Variants in MEF2A observed in about 807,000 individuals in gnomAD.
MEF2A encodes the protein myocyte enhancer factor 2A, also known as myocyte-specific enhancer factor 2A.
A neutral mutation model predicts 55.8 loss-of-function variants in MEF2A; 28 were observed. The observed-to-expected ratio is 0.50, with a 90% CI of 0.37 to 0.69. The LOEUF is 0.69. MEF2A is among the 30% of genes least tolerant of loss of function. The pLI is 0.00. For missense variants in MEF2A, 528 were observed against 626.2 expected (o/e 0.84, Z 1.67); for synonymous variants, 239 against 227.1 (o/e 1.05, Z -0.47).
intron 3 of MEF2A, among the ~76,000 whole-genome samples, chr15:99,639,069 A>G (rs769868818): frequency 6.6e-6 from 1 of 152,208 alleles, no homozygotes; most frequent in African/African-American, 2.4e-5. Context: ...GTTTAAAAAT[A>G]AAAGTTTTTT....
chr15:99,675,707 T>G (rs1317296135), intron 7 of MEF2A, among the ~76,000 whole-genome samples: 3 of 152,104 alleles, frequency 2.0e-5, no homozygotes, highest in Admixed American at 6.5e-5. Context: ...AAAGAAATGG[T>G]GGGTCTATCT....
intron 1 of MEF2A, among the ~76,000 whole-genome samples, chr15:99,567,627 CTGTGTGTGTGTGTGTG>C (rs370539645): frequency 5.4e-4 from 77 of 143,870 alleles, no homozygotes; most frequent in East Asian, 1.8e-3. Context: ...TTTGTATGTA[CTGTGTGTGTGTGTGTG>C]TGTGTGTGTG....
At chr15:99,690,180 G>A (rs2055095638) in intron 7 of MEF2A, 61 bp from the exon 8 acceptor site, 13 of 1,513,014 alleles carry the variant, frequency 8.6e-6, no homozygotes, top group Non-Finnish European at 1.2e-5. Flanking sequence ...AACTTGATTT[G>A]TTTGTGCCAA....
At chr15:99,632,529 T>C (rs1377977406) in intron 2 of MEF2A, among the ~76,000 whole-genome samples, 2 of 152,176 alleles carry the variant, frequency 1.3e-5, no homozygotes, top group Non-Finnish European at 2.9e-5. Context: ...CCTGAGTTTA[T>C]AACCCCAAGC....
intron 4 of MEF2A, among the ~76,000 whole-genome samples, chr15:99,652,625 G>A (rs536747507): frequency 7.9e-5 from 12 of 152,304 alleles, no homozygotes; most frequent in African/African-American, 2.9e-4. Flanking sequence ...GCTAAGACCT[G>A]AGAAGTAAAC....
intron 8 of MEF2A, among the ~76,000 whole-genome samples, chr15:99,696,101 C>G (rs1202922716): frequency 6.6e-6 from 1 of 152,124 alleles, no homozygotes; most frequent in East Asian, 1.9e-4. Flanking sequence ...CAGCAACCTT[C>G]AAAATACATA....
chr15:99,566,129 C>G (rs1479985278), intron 1 of MEF2A, 25 bp downstream of exon 1: 1 of 150,140 alleles, frequency 6.7e-6, no homozygotes, highest in Non-Finnish European at 1.5e-5. Context: ...CAGCGGGGCT[C>G]AGTCCGCGAC....
chr15:99,710,759 G>C lies in MEF2A; in HGVS notation c.1135G>C (p.Val379Leu). ...AGGACAAGCAGCCCTCAGCTCTCTT[G>C]TGTGAGTAACTAGAAGTTTTCCCTG... ...HLGQAALSSL[V>L]AGGQLSQGSN... Residue 379 changes from valine to leucine, a missense_variant and splice_region_variant, in exon 11 of 12, where the codon GTT becomes CTT. Transcript: ENST00000557942. The C allele has an allele frequency of 1.2e-5, 19 of 1,597,416 alleles. No individual in the cohort carries two copies. Among genetic ancestry groups the C allele is most frequent in the Non-Finnish European group, 1.6e-5 (19 of 1,165,988 alleles).
At chr15:99,679,253 C>T (rs2052732745) in intron 7 of MEF2A, among the ~76,000 whole-genome samples, 1 of 152,118 alleles carries the variant, frequency 6.6e-6, no homozygotes, top group Non-Finnish European at 1.5e-5. Context: ...TTGTGCATCA[C>T]GAGTACCAAG....
chr15:99,643,398 T>C (rs918335196), intron 3 of MEF2A, among the ~76,000 whole-genome samples: 2 of 152,194 alleles, frequency 1.3e-5, no homozygotes, highest in Non-Finnish European at 2.9e-5. Context: ...TTGTGACTTG[T>C]TATATTTTGT....
intron 1 of MEF2A, among the ~76,000 whole-genome samples, chr15:99,583,596 A>C (rs989568350): frequency 6.6e-6 from 1 of 152,126 alleles, no homozygotes; most frequent in African/African-American, 2.4e-5. Flanking sequence ...TGGGAATATT[A>C]GCTTGTACCA....
rs369943942 is a variant in MEF2A at position 99,690,326 on chromosome 15, G to A, written c.756G>A (p.Lys252=). The part of the protein sequence containing the change: ...ANSLGKVMPT[K]SPPPPGGGNL... ...GCTTAGGCAAAGTCATGCCTACAAA[G>A]TCTCCCCCTCCACCAGGTGGTGGTA... The change falls in exon 8 of 12, where the codon AAG becomes AAA. Residue 252 remains lysine (K), a synonymous_variant. Coordinates refer to ENST00000557942, the MANE Select transcript of MEF2A (RefSeq NM_001319206.4). 1.2e-6 allele frequency: 2 copies of A among 1,613,578 alleles called. No individual in the cohort carries two copies. Among genetic ancestry groups the A allele is most frequent in the Non-Finnish European group, 1.7e-6 (2 of 1,179,766 alleles).
chr15:99,692,251 A>G (rs528931268), intron 8 of MEF2A, among the ~76,000 whole-genome samples: 25 of 152,312 alleles, frequency 1.6e-4, no homozygotes, highest in African/African-American at 6.0e-4. Context: ...GTTAAAGGTT[A>G]TTACTTGTCC....
intron 7 of MEF2A, among the ~76,000 whole-genome samples, chr15:99,689,320 TAAG>T (rs1029892550): frequency 5.3e-5 from 8 of 152,214 alleles, no homozygotes; most frequent in Non-Finnish European, 1.2e-4. Flanking sequence ...AAGCTGCAGT[TAAG>T]AAGCTGCTCT....
chr15:99,674,657 GA>G, intron 6 of MEF2A, 45 bp downstream of exon 6: 1 of 1,491,508 alleles, frequency 6.7e-7, no homozygotes, highest in Non-Finnish European at 9.3e-7. Flanking sequence ...TAAAGAGGGT[GA>G]AAAAATTCAT....
At chr15:99,597,163 G>A (rs758588197) in intron 1 of MEF2A, among the ~76,000 whole-genome samples, 7 of 152,286 alleles carry the variant, frequency 4.6e-5, no homozygotes, top group East Asian at 1.9e-4. Flanking sequence ...CCGGTGAGCC[G>A]GGTGGAACAG....
At chr15:99,662,625 G>A (rs184211131) in intron 4 of MEF2A, among the ~76,000 whole-genome samples, 21 of 152,070 alleles carry the variant, frequency 1.4e-4, no homozygotes, top group Admixed American at 1.2e-3. Flanking sequence ...ACAGGTGTCT[G>A]CCACTACGCC....
chr15:99,666,717 A>T (rs945806736), intron 4 of MEF2A, among the ~76,000 whole-genome samples: 2 of 152,042 alleles, frequency 1.3e-5, no homozygotes, highest in Non-Finnish European at 2.9e-5. Context: ...TCTAAGTTTG[A>T]TTTGGGCATT....
intron 3 of MEF2A, among the ~76,000 whole-genome samples, chr15:99,634,528 G>A (rs1258860312): frequency 1.3e-5 from 2 of 152,068 alleles, no homozygotes; most frequent in African/African-American, 2.4e-5. Context: ...GTTTATTGGG[G>A]AATAACATAC....
Sources: allele counts gnomAD v4.1 joint callset (sites outside exome capture counted in the v4.1 genomes callset), GRCh38; gene constraint gnomAD v4.1.1; transcripts MANE v1.5; gene names NCBI Gene and HGNC (gene_info 2026-07-23, HGNC 2026-07-21).